Variants in SMARCA4 observed in about 807,000 individuals in gnomAD.
The protein encoded by SMARCA4 is SWI/SNF related BAF chromatin remodeling complex subunit ATPase 4.
A neutral mutation model predicts 193.9 loss-of-function variants in SMARCA4; 31 were observed. That is an observed-to-expected ratio of 0.16 (90% CI 0.12 to 0.22). SMARCA4 has a LOEUF of 0.22. Among genes scored for constraint, SMARCA4 ranks in the 10% least tolerant of loss-of-function variants. SMARCA4 has a pLI of 1.00. For missense variants in SMARCA4, 1,148 were observed against 2,296.0 expected, an observed-to-expected ratio of 0.50 and a Z score of 10.22; for synonymous variants, 942 against 933.1, an observed-to-expected ratio of 1.01 and a Z score of -0.17.
In SMARCA4 at chr19:10,989,333, G is replaced by A. The variant is rs769660597; in HGVS notation, c.1135G>A (p.Ala379Thr). 7 of 1,613,866 alleles carry A rather than the reference G, an allele frequency of 4.3e-6. No homozygotes were observed. Among genetic ancestry groups the A allele is most frequent in the Non-Finnish European group, 5.1e-6 (6 of 1,179,948 alleles). ...EREYRLQARI[A>T]HRIQELENLP... The stretch of plus-strand genomic sequence containing the variant: ...TGCTCCCAGGCTGCAGGCTCGCATC[G>A]CACACCGAATTCAGGAACTTGAAAA... Residue 379 changes from alanine (A) to threonine (T), a missense_variant, in exon 7 of 35, where the codon GCA (alanine) becomes ACA (threonine). Around this residue, in one of 17 missense-constraint regions of SMARCA4, gnomAD observed 69 missense variants for 186.9 expected, o/e 0.37. Transcript: ENST00000344626.
At chr19:11,013,505 C>T (rs1440176022) in intron 16 of SMARCA4, among the ~76,000 whole-genome samples, 1 of 152,138 alleles carries the variant, frequency 6.6e-6, no homozygotes, top group East Asian at 1.9e-4. Context: ...GTCAGGACTG[C>T]TCCACCAGCC....
intron 34 of SMARCA4, chr19:11,060,490 T>C: frequency 2.0e-6 from 1 of 508,252 alleles, no homozygotes; most frequent in Non-Finnish European, 3.6e-6. Flanking sequence ...GCTCCTGGGC[T>C]GAGGCCGGGC....
intron 20 of SMARCA4, 123 bp downstream of exon 20, chr19:11,023,754 G>A: frequency 1.4e-6 from 1 of 721,620 alleles, no homozygotes; most frequent in Non-Finnish European, 2.5e-6. Flanking sequence ...CCAGCTTGGG[G>A]GTGGCGATGA....
intron 30 of SMARCA4, among the ~76,000 whole-genome samples, chr19:11,051,779 A>G (rs1057013620): frequency 6.7e-6 from 1 of 148,816 alleles, no homozygotes; most frequent in African/African-American, 2.5e-5. Context: ...GTGAGCCACC[A>G]TGTCCGGCCG....
chr19:11,014,777 T>C (rs1852660796), intron 16 of SMARCA4, among the ~76,000 whole-genome samples: 1 of 152,194 alleles, frequency 6.6e-6, no homozygotes, highest in African/African-American at 2.4e-5. Flanking sequence ...TTAAAAAATT[T>C]TTTTAAACTT....
intron 30 of SMARCA4, among the ~76,000 whole-genome samples, chr19:11,052,759 G>A (rs1049357398): frequency 6.6e-6 from 1 of 152,154 alleles, no homozygotes; most frequent in Non-Finnish European, 1.5e-5. Context: ...GCAGACAGTG[G>A]CCATGGGCCT....
At chr19:11,004,253 ATT>A (rs34759650) in intron 13 of SMARCA4, among the ~76,000 whole-genome samples, 7,397 of 133,118 alleles carry the variant, frequency 0.056, 247 homozygotes, top group South Asian at 0.12. Context: ...TTGACTGGTG[ATT>A]TTTTTTTTTT....
chr19:11,061,205 AT>A (rs1229434935), intron 34 of SMARCA4, among the ~76,000 whole-genome samples: 1,336 of 38,360 alleles, frequency 0.035, 33 homozygotes, highest in African/African-American at 0.085. Flanking sequence ...AAAAAAAAAA[AT>A]ATATATATAT....
intron 12 of SMARCA4, 86 bp from the exon 13 acceptor site, chr19:11,003,254 G>C (rs983216915): frequency 1.3e-5 from 21 of 1,605,844 alleles, no homozygotes; most frequent in Non-Finnish European, 1.7e-5. Context: ...TTTTACTTCT[G>C]TTTGAATTCC....
chr19:11,027,763 C>T (rs1240017231), intron 23 of SMARCA4, 21 bp from the exon 24 acceptor site: 2 of 1,613,854 alleles, frequency 1.2e-6, no homozygotes, highest in East Asian at 2.2e-5. Context: ...CGCCTTCTCT[C>T]CTGCCTCCTC....
chr19:10,983,914 C>G lies in SMARCA4; in HGVS notation c.-31-207C>G, dbSNP rs186144929. 2.4e-3 allele frequency among the ~76,000 whole-genome samples: 358 copies of G among 152,202 alleles called. 5 individuals are homozygous for G. The highest frequency in any genetic ancestry group is 7.7e-4 in the East Asian group (4 of 5,186). On this transcript the variant is annotated intron_variant, in intron 1 of 34. Transcript: ENST00000344626. ...TGTCTGTGAGCGTGGCCCACCCCTT[C>G]CTGGGTAGACTGACTGATCTTGTGT...
intron 1 of SMARCA4, among the ~76,000 whole-genome samples, chr19:10,970,204 C>T (rs561503522): frequency 5.3e-5 from 8 of 152,218 alleles, no homozygotes; most frequent in South Asian, 2.1e-4. Flanking sequence ...GCCATTGAAG[C>T]TGTCTGTATT....
At chr19:11,037,841 A>G (rs1037184776) in intron 29 of SMARCA4, among the ~76,000 whole-genome samples, 3 of 152,226 alleles carry the variant, frequency 2.0e-5, no homozygotes, top group African/African-American at 7.2e-5. Context: ...TCATCCATCC[A>G]ACTGGAAATC....
intron 1 of SMARCA4, among the ~76,000 whole-genome samples, chr19:10,962,176 CCTCCTTTGTGAAAG>C (rs965681681): frequency 1.3e-5 from 2 of 152,098 alleles, no homozygotes; most frequent in African/African-American, 2.4e-5. Context: ...TCTTAGTTTT[CCTCCTTTGTGAAAG>C]CTCCTTTGTG....
intron 16 of SMARCA4, 29 bp downstream of exon 16, chr19:11,013,141 C>T: frequency 6.2e-7 from 1 of 1,611,492 alleles, no homozygotes; most frequent in Non-Finnish European, 8.5e-7. Context: ...CAACATCCCA[C>T]ACGCCGCTCA....
chr19:11,004,352 G>T (rs956401182), intron 13 of SMARCA4, among the ~76,000 whole-genome samples: 5 of 151,732 alleles, frequency 3.3e-5, no homozygotes, highest in African/African-American at 1.2e-4. Flanking sequence ...GGGTTCAAGT[G>T]ATTCTCCTGC....
rs1371880848 is a variant in SMARCA4 at position 11,019,751 on chromosome 19, G to C, written c.2616+50G>C. The C allele has an allele frequency of 7.6e-7, 1 of 1,309,432 alleles. No homozygotes were observed. The highest frequency in any genetic ancestry group is 1.1e-6 in the Non-Finnish European group (1 of 910,244). The allele number at this position is 1,309,432 out of a possible 1,614,324, so 81.1% of individuals were successfully genotyped here. On this transcript the variant is annotated intron_variant, in intron 18 of 34. Coordinates refer to ENST00000344626, the MANE Select transcript of SMARCA4 (RefSeq NM_003072.5). The surrounding 1 kb of genome is among the most constrained non-coding windows in gnomAD (Gnocchi z 6.1). ...CAGGCCATGGGCCGAGTGCTCACAC[G>C]TGGGTCACGCTGCCCGTCTCCTCCA... is the stretch of plus-strand genomic sequence containing the variant.
intron 19 of SMARCA4, among the ~76,000 whole-genome samples, chr19:11,022,643 C>T (rs201944933): frequency 1.3e-5 from 2 of 152,190 alleles, no homozygotes; most frequent in Non-Finnish European, 2.9e-5. Flanking sequence ...CCTCGAAGTG[C>T]CCTGCCCAGC....
intron 9 of SMARCA4, 150 bp downstream of exon 9, chr19:10,995,151 G>A: frequency 1.3e-6 from 1 of 743,780 alleles, no homozygotes; most frequent in Non-Finnish European, 2.4e-6. Context: ...GGGCTTGGGA[G>A]TCAGTCCTGG....
Sources: gnomAD v4.1 joint callset for allele counts (sites outside exome capture counted in the v4.1 genomes callset) on GRCh38, gnomAD v4.1.1 for gene constraint, gnomAD v4.1.1 regional missense constraint, Gnocchi (gnomAD v3.1) non-coding constraint, MANE v1.5 for transcripts, NCBI Gene and HGNC (gene_info 2026-07-23, HGNC 2026-07-21) for gene names.